Variants in CCDC102B observed in about 807,000 individuals in gnomAD.
CCDC102B encodes the protein coiled-coil domain-containing protein 102B.
CCDC102B carries 75 observed loss-of-function variants against 57.4 expected under a neutral mutation model. That is an observed-to-expected ratio of 1.31 (90% CI 1.08 to 1.58). The LOEUF is 1.58. Ranked by LOEUF, CCDC102B falls within the 40% of genes most tolerant of loss-of-function variation. The probability of loss-of-function intolerance (pLI) is 0.00; values close to 1 mark genes in which losing one functional copy is unlikely to be tolerated. For missense variants in CCDC102B, 636 were observed against 582.6 expected (o/e 1.09, Z -0.94); for synonymous variants, 206 against 201.9 (o/e 1.02, Z -0.17).
chr18:68,805,236 A>G (rs979129527), intron 1 of CCDC102B, among the ~76,000 whole-genome samples: 1 of 152,220 alleles, frequency 6.6e-6, no homozygotes, highest in African/African-American at 2.4e-5. Flanking sequence ...AAGATAGCTA[A>G]TGTATGGGAT....
chr18:68,825,234 T>C (rs747666158), intron 1 of CCDC102B, among the ~76,000 whole-genome samples: 4 of 152,200 alleles, frequency 2.6e-5, no homozygotes, highest in Non-Finnish European at 5.9e-5. Context: ...AATGCCACTT[T>C]ATGTGTTCAG....
At chr18:68,963,540 C>T (rs575343674) in intron 6 of CCDC102B, among the ~76,000 whole-genome samples, 1 of 151,890 alleles carries the variant, frequency 6.6e-6, no homozygotes, top group Admixed American at 6.6e-5. Context: ...AGTATATTCC[C>T]CATCCATCAA....
chr18:68,879,873 C>T (rs572608634), intron 5 of CCDC102B, among the ~76,000 whole-genome samples: 3 of 152,286 alleles, frequency 2.0e-5, no homozygotes, highest in South Asian at 2.1e-4. Flanking sequence ...TTTACAATCC[C>T]GGGGCTAGAC....
chr18:69,032,839 G>A (rs1048571690), intron 7 of CCDC102B, among the ~76,000 whole-genome samples: 1 of 151,934 alleles, frequency 6.6e-6, no homozygotes, highest in Non-Finnish European at 1.5e-5. Context: ...AGGATATCAA[G>A]TGCTTCACTC....
chr18:68,897,481 T>C (rs1370544921), intron 6 of CCDC102B, 53 bp downstream of exon 6: 4 of 1,564,470 alleles, frequency 2.6e-6, no homozygotes, highest in Non-Finnish European at 3.5e-6. Context: ...CTCTGATGCC[T>C]ACGCAGAGTC....
chr18:68,726,220 T>C (rs2145194100), intron 2 of CCDC102B, among the ~76,000 whole-genome samples: 1 of 152,336 alleles, frequency 6.6e-6, no homozygotes, highest in Middle Eastern at 3.4e-3. Context: ...TGAGTGAAAT[T>C]TTTTACATAT....
At chr18:68,762,693 AACCT>A (rs1297180523) in intron 2 of CCDC102B, among the ~76,000 whole-genome samples, 3 of 152,178 alleles carry the variant, frequency 2.0e-5, no homozygotes, top group African/African-American at 7.2e-5. Flanking sequence ...AATAAGAAAC[AACCT>A]ACCTGTGATA....
At chr18:69,049,525 T>C (rs1324998233) in intron 7 of CCDC102B, among the ~76,000 whole-genome samples, 1 of 152,084 alleles carries the variant, frequency 6.6e-6, no homozygotes, top group Non-Finnish European at 1.5e-5. Flanking sequence ...TTGTAAAATA[T>C]TCAATTGGAA....
chr18:68,906,885 A>G (rs1330427803), intron 6 of CCDC102B, among the ~76,000 whole-genome samples: 6 of 147,454 alleles, frequency 4.1e-5, no homozygotes, highest in Admixed American at 4.1e-4. Flanking sequence ...CTAAAAACCC[A>G]TTGTTAAACC....
intron 1 of CCDC102B, among the ~76,000 whole-genome samples, chr18:68,715,831 A>T (rs537353401): frequency 9.6e-4 from 146 of 152,336 alleles, no homozygotes; most frequent in African/African-American, 3.4e-3. Context: ...TACGAACTAG[A>T]TGAAATTTTT....
chr18:68,874,832 C>G, intron 5 of CCDC102B, 47 bp downstream of exon 5: 2 of 1,201,410 alleles, frequency 1.7e-6, no homozygotes, highest in Non-Finnish European at 2.4e-6. Flanking sequence ...ACATAACTGA[C>G]TGTTGTTAAA....
At chr18:68,889,570 C>T (rs1220148028) in intron 5 of CCDC102B, among the ~76,000 whole-genome samples, 2 of 152,144 alleles carry the variant, frequency 1.3e-5, no homozygotes, top group African/African-American at 4.8e-5. Context: ...TAGGCATGCA[C>T]CACCACACCC....
At chr18:69,043,224 C>G (rs984864566) in intron 7 of CCDC102B, among the ~76,000 whole-genome samples, 4 of 152,148 alleles carry the variant, frequency 2.6e-5, no homozygotes, top group African/African-American at 9.7e-5. Flanking sequence ...GCCCACATGT[C>G]CCACCTCCAG....
intron 3 of CCDC102B, among the ~76,000 whole-genome samples, chr18:68,841,725 T>A (rs1351313012): frequency 1.3e-5 from 2 of 152,182 alleles, no homozygotes; most frequent in Non-Finnish European, 2.9e-5. Context: ...TTTATCATTT[T>A]ATCTTTTTTT....
rs3035604 is a variant in CCDC102B, at chr18:69,014,978, A to AGTGTGTGTGTGTGTGTGTGTGTGTGT, written c.1434+3899_1434+3900insTGTGTGTGTGTGTGTGTGTGTGTGTG. On this transcript the variant is annotated intron_variant, in intron 7 of 7. Transcript: ENST00000360242. ...GTGAATGAGAGAGAGAGAGAGAGAG[A>AGTGTGTGTGTGTGTGTGTGTGTGTGT]GTGTGTGTGTGTGTGTGTGTGTGTG... Among the ~76,000 whole-genome samples, 6 of 139,418 alleles carry AGTGTGTGTGTGTGTGTGTGTGTGTGT rather than the reference A, an allele frequency of 4.3e-5. No homozygotes were observed. The East Asian group carries it at 6.7e-4, about 16-fold the overall frequency. The allele number at this position is 139,418 out of a possible 152,430, so 91.5% of individuals were successfully genotyped here. A position where few individuals can be genotyped will look rare whatever the true frequency, so the allele number is the denominator to read the frequency against.
At chr18:68,975,677 G>A (rs967916265) in intron 6 of CCDC102B, among the ~76,000 whole-genome samples, 2 of 151,988 alleles carry the variant, frequency 1.3e-5, no homozygotes, top group Admixed American at 1.3e-4. Context: ...AGGCTTTTCT[G>A]TGTAGTGTTC....
chr18:68,942,866 C>A, intron 6 of CCDC102B, among the ~76,000 whole-genome samples: 1 of 139,316 alleles, frequency 7.2e-6, no homozygotes, highest in East Asian at 2.1e-4. Flanking sequence ...CCCACGAGGC[C>A]ATGTTTCAGA....
intron 6 of CCDC102B, among the ~76,000 whole-genome samples, chr18:68,968,216 T>A (rs2050210959): frequency 1.3e-5 from 2 of 152,168 alleles, no homozygotes; most frequent in African/African-American, 4.8e-5. Context: ...CCATATAGTA[T>A]AGCCAACTGT....
intron 2 of CCDC102B, chr18:68,753,258 T>C (rs1229706119): frequency 6.6e-6 from 1 of 152,182 alleles, no homozygotes. Flanking sequence ...ATTCTTACAC[T>C]TTTCGTGCTT....
Sources: allele counts gnomAD v4.1 joint callset (sites outside exome capture counted in the v4.1 genomes callset), GRCh38; gene constraint gnomAD v4.1.1; transcripts MANE v1.5; gene names NCBI Gene and HGNC (gene_info 2026-07-23, HGNC 2026-07-21).